The following SNX27 variants were observed in gnomAD, a reference collection of about 807,000 sequenced individuals.
SNX27 encodes the protein sorting nexin 27.
SNX27 carries 22 observed loss-of-function variants against 71.6 expected under a neutral mutation model. The observed-to-expected ratio is 0.31, with a 90% CI of 0.22 to 0.44. SNX27 has a LOEUF of 0.44. Ranked by LOEUF, SNX27 falls within the 20% of genes least tolerant of loss-of-function variation. SNX27 has a pLI of 1.00. For missense variants in SNX27, 531 were observed against 698.6 expected (o/e 0.76, Z 2.70); for synonymous variants, 269 against 277.2 (o/e 0.97, Z 0.29).
chr1:151,632,272 C>T (rs1389932794), intron 1 of SNX27, among the ~76,000 whole-genome samples: 1 of 152,016 alleles, frequency 6.6e-6, no homozygotes, highest in Non-Finnish European at 1.5e-5. Flanking sequence ...ATTCTCCTGC[C>T]TCAGCCTTCC....
In SNX27 at chr1:151,638,999, T is replaced by C. The variant is rs779863100; in HGVS notation, c.423T>C (p.Asp141=). 2 of 1,614,172 alleles carry C rather than the reference T, an allele frequency of 1.2e-6. No individual in the cohort carries two copies. The highest frequency in any genetic ancestry group is 2.2e-5 in the South Asian group (2 of 91,076). The change falls in exon 2 of 12, where the codon GAT becomes GAC. Residue 141 remains aspartate, a synonymous_variant. Coordinates refer to ENST00000458013, the MANE Select transcript of SNX27 (RefSeq NM_001330723.2). ...TATCTGTACCTCCTCATGAGGCAGA[T>C]AACCTAGATCCCAGTGACGACTCGT... The part of the protein sequence containing the change: ...TVLSVPPHEA[D]NLDPSDDSLG...
At chr1:151,641,628 T>TATATATATATATATATATCA (rs1486485885) in intron 2 of SNX27, among the ~76,000 whole-genome samples, 1 of 124,186 alleles carries the variant, frequency 8.1e-6, no homozygotes, top group East Asian at 2.5e-4. Context: ...TATATATATA[T>TATATATATATATATATATCA]ATCATATGTA....
rs1418862363 is a variant in SNX27 at position 151,696,351 on chromosome 1, T to C, written c.*1934T>C. The C allele has an allele frequency of 6.6e-6, 1 of 152,246 alleles. No individual in the cohort carries two copies. The highest frequency in any genetic ancestry group is 1.9e-4 in the East Asian group (1 of 5,196). 9.4% of individuals were successfully genotyped at this position (152,246 alleles called of 1,614,324 possible). On this transcript the variant is annotated 3_prime_UTR_variant, in exon 12 of 12. Coordinates refer to ENST00000458013, the MANE Select transcript of SNX27 (RefSeq NM_001330723.2). ...CTTCCTAGGATGGCATCTTTTGCTC[T>C]AACTGGGAGACAGTCATAATTGGTT...
chr1:151,618,662 A>G (rs1667538549), intron 1 of SNX27, among the ~76,000 whole-genome samples: 1 of 152,204 alleles, frequency 6.6e-6, no homozygotes, highest in South Asian at 2.1e-4. Flanking sequence ...ATGACCTTGT[A>G]GATAAGCAAA....
At chr1:151,657,893 C>A (rs1669771687) in intron 2 of SNX27, among the ~76,000 whole-genome samples, 1 of 151,990 alleles carries the variant, frequency 6.6e-6, no homozygotes, top group Admixed American at 6.6e-5. Flanking sequence ...CCCAGCTATT[C>A]AGGAGGCTGA....
chr1:151,657,575 C>CAGAAA (rs1477976647), intron 2 of SNX27, among the ~76,000 whole-genome samples: 1 of 152,194 alleles, frequency 6.6e-6, no homozygotes, highest in African/African-American at 2.4e-5. Context: ...CCTAGGTTTT[C>CAGAAA]AGCTCCCTTC....
At chr1:151,628,033 A>T in intron 1 of SNX27, among the ~76,000 whole-genome samples, 1 of 137,558 alleles carries the variant, frequency 7.3e-6, no homozygotes. Flanking sequence ...TTTAGATGGA[A>T]TTTCACTCTG....
chr1:151,638,419 A>G (rs889157857), intron 1 of SNX27, among the ~76,000 whole-genome samples: 2 of 152,244 alleles, frequency 1.3e-5, no homozygotes, highest in Admixed American at 1.3e-4. Context: ...TTGAGTCTCT[A>G]TTTACAAATT....
intron 1 of SNX27, among the ~76,000 whole-genome samples, chr1:151,633,895 GT>G (rs1668357118): frequency 6.6e-6 from 1 of 150,690 alleles, no homozygotes; most frequent in Non-Finnish European, 1.5e-5. Flanking sequence ...ACATTGGGTT[GT>G]TTTTTGTTTT....
chr1:151,648,010 A>T (rs939374268), intron 2 of SNX27, among the ~76,000 whole-genome samples: 3 of 152,102 alleles, frequency 2.0e-5, no homozygotes, highest in Admixed American at 2.0e-4. Flanking sequence ...AAAACAACAA[A>T]AAAACAATTG....
At chr1:151,634,717 G>T (rs1051114644) in intron 1 of SNX27, among the ~76,000 whole-genome samples, 1 of 152,090 alleles carries the variant, frequency 6.6e-6, no homozygotes, top group African/African-American at 2.4e-5. Flanking sequence ...TTTGTGGATT[G>T]TTGGAATTTT....
At chr1:151,674,272 T>C (rs1425896992) in intron 7 of SNX27, among the ~76,000 whole-genome samples, 1 of 152,226 alleles carries the variant, frequency 6.6e-6, no homozygotes, top group Non-Finnish European at 1.5e-5. Flanking sequence ...TCTGTTATTT[T>C]AACCTGGTAA....
chr1:151,636,145 C>G (rs1668447421), intron 1 of SNX27, among the ~76,000 whole-genome samples: 2 of 152,232 alleles, frequency 1.3e-5, no homozygotes, highest in Admixed American at 1.3e-4. Flanking sequence ...ACTCTCAAGT[C>G]TACCAACAGA....
At chr1:151,667,782 C>A (rs909130790) in intron 6 of SNX27, among the ~76,000 whole-genome samples, 1 of 140,826 alleles carries the variant, frequency 7.1e-6, no homozygotes, top group Non-Finnish European at 1.5e-5. Flanking sequence ...AGCCGAGATC[C>A]CGCCACTGCA....
chr1:151,620,694 CTT>C (rs35641892), intron 1 of SNX27, among the ~76,000 whole-genome samples: 1 of 143,722 alleles, frequency 7.0e-6, no homozygotes, highest in African/African-American at 2.6e-5. Flanking sequence ...TTTGAAGATG[CTT>C]TTTTTTTTTT....
chr1:151,617,886 T>G (rs58946022), intron 1 of SNX27, among the ~76,000 whole-genome samples: 2 of 147,914 alleles, frequency 1.4e-5, no homozygotes, highest in African/African-American at 5.2e-5. Flanking sequence ...CTGTTTTTTT[T>G]TTTTTTTTTT....
intron 1 of SNX27, among the ~76,000 whole-genome samples, chr1:151,623,386 C>T (rs1053620568): frequency 9.2e-5 from 14 of 152,070 alleles, no homozygotes; most frequent in Non-Finnish European, 1.8e-4. Flanking sequence ...GTGATCCGCC[C>T]ACCTTGGCCT....
chr1:151,681,334 T>C (rs1177422040), intron 7 of SNX27, among the ~76,000 whole-genome samples: 2 of 147,174 alleles, frequency 1.4e-5, no homozygotes, highest in Non-Finnish European at 3.0e-5. Flanking sequence ...TTCCGCCTCC[T>C]GGGTTCACGC....
intron 2 of SNX27, among the ~76,000 whole-genome samples, chr1:151,648,083 C>G (rs1247967466): frequency 6.6e-6 from 1 of 151,568 alleles, no homozygotes; most frequent in Non-Finnish European, 1.5e-5. Flanking sequence ...GAGGTGGAGT[C>G]TCACTCTGTC....
Sources: allele counts gnomAD v4.1 joint callset (sites outside exome capture counted in the v4.1 genomes callset), GRCh38; gene constraint gnomAD v4.1.1; transcripts MANE v1.5; gene names NCBI Gene and HGNC (gene_info 2026-07-23, HGNC 2026-07-21).